The following KNTC1 variants were observed in gnomAD, a reference collection of about 807,000 sequenced individuals.
KNTC1 encodes the protein kinetochore-associated protein 1.
In KNTC1, 253 loss-of-function variants were observed where a neutral mutation model predicts 314.4. That is an observed-to-expected ratio of 0.80 (90% CI 0.73 to 0.89). KNTC1 has a LOEUF of 0.89. KNTC1 is among the 40% of genes least tolerant of loss of function. KNTC1 has a pLI of 0.00. For missense variants in KNTC1, 2,475 were observed against 2,572.9 expected (o/e 0.96, Z 0.82); for synonymous variants, 901 against 901.4 (o/e 1.00, Z 0.01).
Position 122,606,103 on chromosome 12 carries a change from T to C in KNTC1, c.5496+688T>C, listed in dbSNP as rs539723036. On this transcript the variant is annotated intron_variant, in intron 51 of 63. Transcript: ENST00000333479. ...GTCTCAAACTCCTGGCCTCAAGTGATCCTCCCGCCTCGATTTCCCAAAATG... is the reference window on the plus strand; with the variant it reads ...GTCTCAAACTCCTGGCCTCAAGTGACCCTCCCGCCTCGATTTCCCAAAATG... Among the ~76,000 whole-genome samples the C allele has an allele frequency of 2.6e-5, 4 of 151,658 alleles. No individual in the cohort carries two copies. The East Asian group carries it at 7.7e-4, about 29-fold the overall frequency.
intron 19 of KNTC1, among the ~76,000 whole-genome samples, chr12:122,562,308 G>A (rs911141513): frequency 3.2e-4 from 49 of 152,226 alleles, no homozygotes; most frequent in African/African-American, 1.1e-3. Context: ...ATTAAGTATT[G>A]TAATCCAGCT....
At chr12:122,575,685 G>A in intron 28 of KNTC1, 39 bp downstream of exon 28, 1 of 1,500,368 alleles carries the variant, frequency 6.7e-7, no homozygotes, top group South Asian at 1.2e-5. Context: ...GTTATGCTCT[G>A]GAGAAACATT....
chr12:122,612,052 C>T (rs1346599678), intron 53 of KNTC1, among the ~76,000 whole-genome samples: 1 of 151,016 alleles, frequency 6.6e-6, no homozygotes, highest in Non-Finnish European at 1.5e-5. Context: ...TCATCAAGAA[C>T]ATTCTGGTTT....
rs1475067577 is a variant in KNTC1 at position 122,538,420 on chromosome 12, T to C, written c.332T>C (p.Ile111Thr). The C allele has an allele frequency of 1.2e-6, 2 of 1,600,998 alleles. No homozygotes were observed. The highest frequency in any genetic ancestry group is 1.7e-5 in the Admixed American group (1 of 58,442). The change falls in exon 4 of 64, where the codon ATT becomes ACT. Residue 111 changes from isoleucine (I) to threonine (T), a missense_variant. By Grantham distance (89) the Ile-to-Thr change is moderately conservative. Transcript: ENST00000333479. ...VGERSGNLHL[I>T]HVTSKQTLLT... is the part of the protein sequence containing the mutation. ...GAGAGAAGTGGCAACCTACATCTTA[T>C]TCATGTAACATCAAAACAAACACTA...
chr12:122,592,352 C>T (rs921571787), intron 42 of KNTC1, among the ~76,000 whole-genome samples: 6 of 152,220 alleles, frequency 3.9e-5, no homozygotes, highest in Non-Finnish European at 8.8e-5. Flanking sequence ...CGACAAATGC[C>T]GCCCCATGCT....
rs766429854 is a variant in KNTC1, at chr12:122,624,589, AT to A, written c.6516-5del. 173 of 1,606,154 alleles carry A rather than the reference AT, an allele frequency of 1.1e-4. No homozygotes were observed. Among genetic ancestry groups the A allele is most frequent in the Non-Finnish European group, 1.4e-4 (159 of 1,174,374 alleles). ...GGCCTAACACTTCTTTTTCTTTTTG[AT>A]TTTGTAGTTTAGATGAAGCTTCAGT... On this transcript the variant is annotated splice_polypyrimidine_tract_variant and splice_region_variant and intron_variant, in intron 62 of 63. Coordinates refer to ENST00000333479, the MANE Select transcript of KNTC1 (RefSeq NM_014708.6).
chr12:122,546,694 T>C lies in KNTC1; in HGVS notation c.816+20T>C, dbSNP rs2137744045. The C allele has an allele frequency of 1.4e-6, 2 of 1,476,204 alleles. No homozygotes were observed. The highest frequency in any genetic ancestry group is 1.9e-6 in the Non-Finnish European group (2 of 1,075,902). 91.4% of individuals were successfully genotyped at this position (1,476,204 alleles called of 1,614,324 possible). A position where few individuals can be genotyped will look rare whatever the true frequency, so the allele number is the denominator to read the frequency against. On this transcript the variant is annotated intron_variant, in intron 10 of 63. Coordinates refer to ENST00000333479, the MANE Select transcript of KNTC1 (RefSeq NM_014708.6). ...ACTGATGTATGTTTCTTGTTTCTCC[T>C]TCAATGTTTTTACTTGATATGTTTT...
At chr12:122,622,389 G>C in intron 61 of KNTC1, 73 bp from the exon 62 acceptor site, 2 of 1,292,072 alleles carry the variant, frequency 1.5e-6, no homozygotes, top group Non-Finnish European at 2.2e-6. Context: ...CTTGATACCT[G>C]TCATTCTATA....
chr12:122,600,838 G>A (rs1221269210), intron 44 of KNTC1, among the ~76,000 whole-genome samples: 3 of 151,464 alleles, frequency 2.0e-5, no homozygotes, highest in Admixed American at 6.6e-5. Context: ...GCTAATTTTT[G>A]TATTTTTGGT....
intron 31 of KNTC1, among the ~76,000 whole-genome samples, chr12:122,579,620 A>G (rs139482553): frequency 7.6e-4 from 115 of 152,256 alleles, no homozygotes; most frequent in African/African-American, 2.6e-3. Flanking sequence ...TCAAATAGTA[A>G]ATAACTCTAA....
intron 12 of KNTC1, 103 bp from the exon 13 acceptor site, chr12:122,549,663 G>T: frequency 1.5e-6 from 1 of 673,248 alleles, no homozygotes; most frequent in South Asian, 1.6e-5. Flanking sequence ...ACCACGCCCA[G>T]CCGCTCCCAT....
chr12:122,624,535 C>A, intron 62 of KNTC1, 63 bp from the exon 63 acceptor site: 1 of 1,233,120 alleles, frequency 8.1e-7, no homozygotes, highest in Non-Finnish European at 1.2e-6. Flanking sequence ...CCCTGAGTGC[C>A]GGGATTGTAG....
chr12:122,563,847 T>G, intron 20 of KNTC1: 1 of 1,422,932 alleles, frequency 7.0e-7, no homozygotes, highest in South Asian at 1.8e-5. Context: ...AAGGAGACAG[T>G]CTTCACTCTA....
intron 43 of KNTC1, among the ~76,000 whole-genome samples, chr12:122,595,279 A>G (rs1469337150): frequency 6.6e-6 from 1 of 152,268 alleles, no homozygotes; most frequent in Non-Finnish European, 1.5e-5. Flanking sequence ...GTTTCTGTCT[A>G]GTAAATACAA....
Position 122,546,643 on chromosome 12 carries a change from T to A in KNTC1, c.785T>A (p.Ile262Lys), listed in dbSNP as rs769304526. 6.3e-7 allele frequency: 1 copy of A among 1,588,622 alleles called. No individual in the cohort carries two copies. The highest frequency in any genetic ancestry group is 1.7e-5 in the Admixed American group (1 of 57,624). ...GTAGGTGCAAAGAAGTTCCAGCTGA[T>A]AGACAATCTACTTTTTGTTCTTGAT... ...IIKGAKKFQLIDNLLFVLDTD... is the reference protein window; with the variant it reads ...IIKGAKKFQLKDNLLFVLDTD... Residue 262 changes from isoleucine (I) to lysine (K), a missense_variant, in exon 10 of 64, where the codon ATA becomes AAA. Coordinates refer to ENST00000333479, the MANE Select transcript of KNTC1 (RefSeq NM_014708.6).
Position 122,577,747 on chromosome 12 carries a change from T to C in KNTC1, c.2797T>C (p.Trp933Arg). The change falls in exon 31 of 64, where the codon TGG becomes CGG. Residue 933 changes from tryptophan (W) to arginine (R), a missense_variant. Coordinates refer to ENST00000333479, the MANE Select transcript of KNTC1 (RefSeq NM_014708.6). ...GAAAACTGCAGAAAGAGTCATCATA[T>C]GGGCACGACTGGCATTACAAGAAGA... The part of the protein sequence containing the change: ...AEKTAERVII[W>R]ARLALQEEPD... 2 of 1,613,814 alleles carry C rather than the reference T, an allele frequency of 1.2e-6. No homozygotes were observed. Among genetic ancestry groups the C allele is most frequent in the East Asian group, 2.2e-5 (1 of 44,868 alleles).
At chr12:122,605,833 T>C (rs2342082) in intron 51 of KNTC1, among the ~76,000 whole-genome samples, 121,894 of 151,972 alleles carry the variant, frequency 0.8, 49,595 homozygotes, top group African/African-American at 0.93. Context: ...CGTGAGCCAC[T>C]GCACCTGGCC....
At chr12:122,535,889 GTT>G (rs1190271040) in intron 3 of KNTC1, among the ~76,000 whole-genome samples, 13 of 133,504 alleles carry the variant, frequency 9.7e-5, no homozygotes, top group Admixed American at 3.8e-4. Flanking sequence ...TATTATGAAA[GTT>G]TTTTTTTTTT....
intron 43 of KNTC1, 67 bp from the exon 44 acceptor site, chr12:122,597,664 T>G: frequency 7.6e-7 from 1 of 1,321,748 alleles, no homozygotes; most frequent in Non-Finnish European, 1.1e-6. Context: ...CCAAGTGTTT[T>G]GTCAGATACT....
Sources: gnomAD v4.1 joint callset for allele counts (sites outside exome capture counted in the v4.1 genomes callset) on GRCh38, gnomAD v4.1.1 for gene constraint, MANE v1.5 for transcripts, NCBI Gene and HGNC (gene_info 2026-07-23, HGNC 2026-07-21) for gene names.